The following CYRIA variants were observed in gnomAD, a reference collection of about 807,000 sequenced individuals.
CYRIA encodes the protein CYFIP related Rac1 interactor A.
CYRIA carries 15 observed loss-of-function variants against 43.9 expected under a neutral mutation model. The observed-to-expected ratio is 0.34, with a 90% CI of 0.23 to 0.53. The LOEUF (loss-of-function observed/expected upper bound fraction) is 0.53, where lower values mean the gene tolerates loss of function less well. CYRIA is among the 20% of genes least tolerant of loss of function. CYRIA has a pLI of 0.94. For missense variants in CYRIA, 236 were observed against 394.2 expected, an observed-to-expected ratio of 0.60 and a Z score of 3.40; for synonymous variants, 117 against 136.0, an observed-to-expected ratio of 0.86 and a Z score of 0.97.
At chr2:16,566,874 A>G (rs1666951716) in intron 3 of CYRIA, among the ~76,000 whole-genome samples, 1 of 152,146 alleles carries the variant, frequency 6.6e-6, no homozygotes, top group Non-Finnish European at 1.5e-5. Context: ...CTCTCCATCT[A>G]AAACAAAGGC....
In CYRIA at chr2:16,556,238, G is replaced by A. The variant is rs142815588; in HGVS notation, c.838-1099C>T. Among the ~76,000 whole-genome samples, 220 of 152,192 alleles carry A rather than the reference G, an allele frequency of 1.4e-3. 4 individuals are homozygous for A. The highest frequency in any genetic ancestry group is 5.1e-3 in the African/African-American group (210 of 41,548). On this transcript the variant is annotated intron_variant, in intron 10 of 11. Coordinates refer to ENST00000381323, the MANE Select transcript of CYRIA (RefSeq NM_030797.4). Reference sequence around the variant, plus strand: ...CTGATGGAGGCTGCCAGAAAACAGGGTTGGGAATCATGTGAGGATCACTAC... The same window carrying A: ...CTGATGGAGGCTGCCAGAAAACAGGATTGGGAATCATGTGAGGATCACTAC...
intron 9 of CYRIA, chr2:16,560,662 T>C (rs1242289266): frequency 5.8e-6 from 2 of 345,616 alleles, no homozygotes; most frequent in East Asian, 1.2e-4. Context: ...CTACAATATA[T>C]TTATCATGAT....
chr2:16,561,646 A>C (rs1572457158), intron 6 of CYRIA, 113 bp from the exon 7 acceptor site: 1 of 813,782 alleles, frequency 1.2e-6, no homozygotes, highest in East Asian at 2.6e-5. Context: ...TCTCTTTGTT[A>C]CATAAGAGTC....
rs1666355657 is a variant in CYRIA at position 16,552,624 on chromosome 2, C to T, written c.*312G>A. ...AGATAACACATCTAGAATTAAAATACTACCACAAACAATTAGGAATTTTTT... is the reference window on the plus strand; with the variant it reads ...AGATAACACATCTAGAATTAAAATATTACCACAAACAATTAGGAATTTTTT... On this transcript the variant is annotated 3_prime_UTR_variant, in exon 12 of 12. Coordinates refer to ENST00000381323, the MANE Select transcript of CYRIA (RefSeq NM_030797.4). 1 of 237,932 alleles carries T rather than the reference C, an allele frequency of 4.2e-6. No homozygotes were observed. Among genetic ancestry groups the T allele is most frequent in the African/African-American group, 2.3e-5 (1 of 44,298 alleles). 14.7% of individuals were successfully genotyped at this position (237,932 alleles called of 1,614,324 possible).
At chr2:16,621,658 G>A (rs151056686) in intron 2 of CYRIA, among the ~76,000 whole-genome samples, 5 of 152,126 alleles carry the variant, frequency 3.3e-5, no homozygotes, top group South Asian at 2.1e-4. Context: ...TGCATTCCCC[G>A]ATCAGAGATT....
intron 3 of CYRIA, among the ~76,000 whole-genome samples, chr2:16,567,197 A>C (rs1666965378): frequency 6.6e-6 from 1 of 152,156 alleles, no homozygotes; most frequent in African/African-American, 2.4e-5. Context: ...CTAGGTCAGG[A>C]GATCGAGGCC....
chr2:16,570,032 G>C (rs1667072052), intron 3 of CYRIA, among the ~76,000 whole-genome samples: 1 of 152,104 alleles, frequency 6.6e-6, no homozygotes, highest in Non-Finnish European at 1.5e-5. Context: ...ATAAAAGTGT[G>C]ATGAATCAAT....
intron 1 of CYRIA, among the ~76,000 whole-genome samples, chr2:16,631,313 G>A (rs1431761871): frequency 6.6e-6 from 1 of 152,232 alleles, no homozygotes; most frequent in East Asian, 1.9e-4. Context: ...GGTGATGGTT[G>A]AATTGTAAAC....
intron 5 of CYRIA, among the ~76,000 whole-genome samples, chr2:16,563,417 A>G (rs960664684): frequency 6.6e-6 from 1 of 152,136 alleles, no homozygotes; most frequent in Non-Finnish European, 1.5e-5. Context: ...TGCCTTCTTC[A>G]TTCAAGATAT....
At chr2:16,599,770 T>G (rs973333271) in intron 2 of CYRIA, among the ~76,000 whole-genome samples, 3 of 152,182 alleles carry the variant, frequency 2.0e-5, no homozygotes. Context: ...ACTTTATTTT[T>G]TTTTGAGACA....
chr2:16,626,057 T>C (rs1318101467), intron 1 of CYRIA, among the ~76,000 whole-genome samples: 1 of 152,084 alleles, frequency 6.6e-6, no homozygotes, highest in African/African-American at 2.4e-5. Flanking sequence ...TTACTGAGGC[T>C]TACAGAAATT....
chr2:16,648,957 G>A (rs1034550295), intron 1 of CYRIA, among the ~76,000 whole-genome samples: 2 of 151,868 alleles, frequency 1.3e-5, no homozygotes, highest in African/African-American at 2.4e-5. Context: ...AGCTTACAAT[G>A]TACTTGTTAC....
intron 2 of CYRIA, among the ~76,000 whole-genome samples, chr2:16,593,358 T>C (rs1168079324): frequency 6.6e-6 from 1 of 152,172 alleles, no homozygotes; most frequent in Non-Finnish European, 1.5e-5. Flanking sequence ...TACATGCAAG[T>C]CATGGTATTT....
intron 2 of CYRIA, among the ~76,000 whole-genome samples, chr2:16,607,665 T>G (rs1205087149): frequency 6.6e-6 from 1 of 152,184 alleles, no homozygotes; most frequent in African/African-American, 2.4e-5. Flanking sequence ...CTTGGCTCAC[T>G]GCAACCTCTG....
Position 16,634,718 on chromosome 2 carries a change from C to G in CYRIA, c.-166-10699G>C, listed in dbSNP as rs147271346. ...GAGGAGAGCAAGACTAATATGTGAT[C>G]AGCAGCACACATGGACTTGGGGGCA... is the stretch of plus-strand genomic sequence containing the variant. On this transcript the variant is annotated intron_variant, in intron 1 of 11. Coordinates refer to ENST00000381323, the MANE Select transcript of CYRIA (RefSeq NM_030797.4). Among the ~76,000 whole-genome samples, 6 of 152,334 alleles carry G rather than the reference C, an allele frequency of 3.9e-5. No individual in the cohort carries two copies. In the East Asian group the frequency reaches 1.2e-3, roughly 29 times the overall value.
At chr2:16,575,899 A>AAAT (rs1287691386) in intron 3 of CYRIA, among the ~76,000 whole-genome samples, 1 of 151,568 alleles carries the variant, frequency 6.6e-6, no homozygotes, top group Non-Finnish European at 1.5e-5. Flanking sequence ...ATAAATAAAT[A>AAAT]AATAAATAAA....
intron 1 of CYRIA, among the ~76,000 whole-genome samples, chr2:16,651,846 G>A (rs1187011674): frequency 6.6e-6 from 1 of 151,984 alleles, no homozygotes; most frequent in African/African-American, 2.4e-5. Flanking sequence ...GGAAATTCCA[G>A]TCATCTTATG....
At chr2:16,590,775 G>A (rs935957729) in intron 2 of CYRIA, among the ~76,000 whole-genome samples, 17 of 152,128 alleles carry the variant, frequency 1.1e-4, no homozygotes, top group Admixed American at 1.1e-3. Flanking sequence ...AGGACCTCTA[G>A]AACAATGACT....
intron 4 of CYRIA, among the ~76,000 whole-genome samples, chr2:16,565,038 A>G (rs1220055233): frequency 6.6e-6 from 1 of 152,228 alleles, no homozygotes; most frequent in East Asian, 1.9e-4. Context: ...CTTAAATGAA[A>G]TAACATATTG....
Sources: gnomAD v4.1 joint callset for allele counts (sites outside exome capture counted in the v4.1 genomes callset) on GRCh38, gnomAD v4.1.1 for gene constraint, MANE v1.5 for transcripts, NCBI Gene and HGNC (gene_info 2026-07-23, HGNC 2026-07-21) for gene names.